The following STIM1 variants were observed in gnomAD, a reference collection of about 807,000 sequenced individuals.
STIM1 encodes stromal interaction molecule 1.
A neutral mutation model predicts 74.7 loss-of-function variants in STIM1; 25 were observed. The observed-to-expected ratio is 0.33, with a 90% CI of 0.24 to 0.47. The LOEUF is 0.47. Ranked by LOEUF, STIM1 falls within the 20% of genes least tolerant of loss-of-function variation. STIM1 has a pLI of 1.00. For synonymous variants in STIM1, 328 were observed against 348.8 expected, an observed-to-expected ratio of 0.94 and a Z score of 0.66; for missense variants, 728 against 920.8, an observed-to-expected ratio of 0.79 and a Z score of 2.71.
intron 1 of STIM1, among the ~76,000 whole-genome samples, chr11:3,935,090 A>G (rs1339046581): frequency 6.6e-6 from 1 of 152,252 alleles, no homozygotes; most frequent in African/African-American, 2.4e-5. Flanking sequence ...CCCTCATTGC[A>G]TTCTGCATCT....
chr11:3,858,247 GT>G (rs372423825), intron 1 of STIM1, among the ~76,000 whole-genome samples: 2 of 119,698 alleles, frequency 1.7e-5, no homozygotes, highest in Admixed American at 1.7e-4. Context: ...TTTTTTTTTT[GT>G]TTTTTGTTTT....
At chr11:4,058,691 A>G in intron 4 of STIM1, 1 of 640,328 alleles carries the variant, frequency 1.6e-6, no homozygotes, top group Non-Finnish European at 1.9e-6. Context: ...AAAAAATTAC[A>G]GTAATTTTAT....
At chr11:3,967,500 A>G (rs1434295579) in intron 1 of STIM1, 52 bp from the exon 2 acceptor site, 48 of 1,612,992 alleles carry the variant, frequency 3.0e-5, no homozygotes, top group Non-Finnish European at 3.6e-5. Context: ...GGTGGGTGAT[A>G]GGTTCTGGGT....
chr11:3,884,691 A>G (rs1408163740), intron 1 of STIM1, among the ~76,000 whole-genome samples: 1 of 152,038 alleles, frequency 6.6e-6, no homozygotes, highest in African/African-American at 2.4e-5. Flanking sequence ...AATAATTAGC[A>G]GTCCCCAAGA....
chr11:4,031,239 T>G (rs930051747), intron 3 of STIM1, among the ~76,000 whole-genome samples: 1 of 152,252 alleles, frequency 6.6e-6, no homozygotes, highest in African/African-American at 2.4e-5. Context: ...AACTTGTTTT[T>G]ATTGCTTAGT....
rs372413786 is a variant in STIM1, at chr11:3,924,188, C to CT, written c.140-43355dup. Reference sequence around the variant, plus strand: ...GTTGTCTTGTAGTGGTCTTATATATCTTTTTTTTTCTTTTCTTTTTTTTTT... The same window carrying CT: ...GTTGTCTTGTAGTGGTCTTATATATCTTTTTTTTTTCTTTTCTTTTTTTTTT... On this transcript the variant is annotated intron_variant, in intron 1 of 12. Coordinates refer to ENST00000526596, the MANE Select transcript of STIM1 (RefSeq NM_001382567.1). Among the ~76,000 whole-genome samples, 20 of 145,892 alleles carry CT rather than the reference C, an allele frequency of 1.4e-4. 1 individual carries two copies. The highest frequency in any genetic ancestry group is 3.1e-4 in the African/African-American group (12 of 39,172).
At chr11:3,867,587 G>A (rs1366553418) in intron 1 of STIM1, among the ~76,000 whole-genome samples, 1 of 152,230 alleles carries the variant, frequency 6.6e-6, no homozygotes, top group Non-Finnish European at 1.5e-5. Context: ...GTCCTGTGAA[G>A]ATTGCTGGCT....
intron 1 of STIM1, among the ~76,000 whole-genome samples, chr11:3,950,008 C>T (rs1417021817): frequency 6.6e-6 from 1 of 152,146 alleles, no homozygotes; most frequent in Non-Finnish European, 1.5e-5. Flanking sequence ...TTTATCCTTT[C>T]AAAAATGTTA....
chr11:4,091,209 C>T, intron 12 of STIM1, 73 bp from the exon 13 acceptor site: 3 of 1,604,312 alleles, frequency 1.9e-6, no homozygotes, highest in Non-Finnish European at 2.6e-6. Context: ...TTGTCCCTCT[C>T]TCCTCTTCGC....
At chr11:4,081,460 C>A (rs960025288) in intron 7 of STIM1, among the ~76,000 whole-genome samples, 4 of 152,184 alleles carry the variant, frequency 2.6e-5, no homozygotes, top group African/African-American at 9.7e-5. Context: ...TTACAGAGTT[C>A]TTTTCAAAGC....
In STIM1 at chr11:4,092,403, A is replaced by G. The variant is rs2094529730; in HGVS notation, c.*605A>G. 6.1e-6 allele frequency: 1 copy of G among 164,184 alleles called. No individual in the cohort carries two copies. Among genetic ancestry groups the G allele is most frequent in the East Asian group, 1.6e-4 (1 of 6,302 alleles). 10.2% of individuals were successfully genotyped at this position (164,184 alleles called of 1,614,324 possible). Reference sequence around the variant, plus strand: ...AGGGATCCATGGGGGAGTGAAACCAATTCTCAGAGAACAACCCACCAGAGA... The same window carrying G: ...AGGGATCCATGGGGGAGTGAAACCAGTTCTCAGAGAACAACCCACCAGAGA... On this transcript the variant is annotated 3_prime_UTR_variant, in exon 13 of 13. Transcript: ENST00000526596.
chr11:3,928,662 C>G (rs564374727), intron 1 of STIM1, among the ~76,000 whole-genome samples: 1 of 151,956 alleles, frequency 6.6e-6, no homozygotes, highest in African/African-American at 2.4e-5. Context: ...GACAGGAATC[C>G]CTTCCTGGTG....
chr11:3,947,623 C>G (rs1050176657), intron 1 of STIM1: 2 of 152,186 alleles, frequency 1.3e-5, no homozygotes, highest in African/African-American at 4.8e-5. Flanking sequence ...AGAAAGGAAG[C>G]CAAACAGCTC....
chr11:4,012,590 G>A (rs2093848750), intron 2 of STIM1, among the ~76,000 whole-genome samples: 1 of 152,226 alleles, frequency 6.6e-6, no homozygotes, highest in Admixed American at 6.5e-5. Flanking sequence ...CTGAGACTTT[G>A]CTGAAGTTGC....
In STIM1 at chr11:3,967,756, C is replaced by G. The variant is rs536492503; in HGVS notation, c.270+74C>G. 3.1e-6 allele frequency: 5 copies of G among 1,599,394 alleles called. No individual in the cohort carries two copies. In the East Asian group the frequency reaches 8.9e-5, roughly 29 times the overall value. On this transcript the variant is annotated intron_variant, in intron 2 of 12. Transcript: ENST00000526596. ...AGTCTTTGAAAGCTACTTAGACAGC[C>G]TCTTCCCTGGGGAGAGATGTTCTCT...
At chr11:3,985,299 A>G (rs1321181557) in intron 2 of STIM1, among the ~76,000 whole-genome samples, 1 of 152,036 alleles carries the variant, frequency 6.6e-6, no homozygotes, top group African/African-American at 2.4e-5. Flanking sequence ...GTTTGTATAG[A>G]TGTCTATATA....
chr11:3,973,858 C>T, intron 2 of STIM1: 1 of 438,620 alleles, frequency 2.3e-6, no homozygotes. Context: ...GGACTATAGG[C>T]ACATGCCACC....
intron 2 of STIM1, among the ~76,000 whole-genome samples, chr11:3,991,963 A>G (rs1241685174): frequency 1.6e-3 from 194 of 121,196 alleles, no homozygotes; most frequent in African/African-American, 5.0e-3. Flanking sequence ...AAAAAAAAAA[A>G]AAAAAAAAAG....
Position 3,881,845 on chromosome 11 carries a change from G to A in STIM1, c.139+25436G>A, listed in dbSNP as rs575102524. Among the ~76,000 whole-genome samples the A allele has an allele frequency of 6.3e-4, 96 of 151,446 alleles. No individual in the cohort carries two copies. The South Asian group carries it at 0.012, about 19-fold the overall frequency. Reference sequence around the variant, plus strand: ...GTACTACCACACCTGGCTAATTTTTGTATTTTTACTAGAGACGGGGTTCGC... The same window carrying A: ...GTACTACCACACCTGGCTAATTTTTATATTTTTACTAGAGACGGGGTTCGC... On this transcript the variant is annotated intron_variant, in intron 1 of 12. Coordinates refer to ENST00000526596, the MANE Select transcript of STIM1 (RefSeq NM_001382567.1).
Sources: gnomAD v4.1 joint callset for allele counts (sites outside exome capture counted in the v4.1 genomes callset) on GRCh38, gnomAD v4.1.1 for gene constraint, MANE v1.5 for transcripts, NCBI Gene and HGNC (gene_info 2026-07-23, HGNC 2026-07-21) for gene names.